Variants in AGAP1 observed in about 807,000 individuals in gnomAD.
AGAP1 encodes the protein arf-GAP with GTPase, ANK repeat and PH domain-containing protein 1.
A neutral mutation model predicts 105.3 loss-of-function variants in AGAP1; 29 were observed. The observed-to-expected ratio is 0.28, with a 90% confidence interval of 0.21 to 0.38. The LOEUF (loss-of-function observed/expected upper bound fraction) is 0.38, where lower values mean the gene tolerates loss of function less well. Ranked by LOEUF, AGAP1 falls within the 10% of genes least tolerant of loss-of-function variation. The pLI is 1.00. For missense variants in AGAP1, 998 were observed against 1,165.1 expected (o/e 0.86, Z 2.09); for synonymous variants, 509 against 485.9 (o/e 1.05, Z -0.63).
In AGAP1 at chr2:235,988,253, G is replaced by A. The variant is rs2055407645; in HGVS notation, c.1645+19630G>A. The stretch of plus-strand genomic sequence containing the variant: ...AGACAGGGCTTCACCCTGTTGGCCA[G>A]GCTGGTCTTGAACTCCTGACTTCAG... On this transcript the variant is annotated intron_variant, in intron 13 of 17. Coordinates refer to ENST00000304032, the MANE Select transcript of AGAP1 (RefSeq NM_001037131.3). This position sits in a 1 kb window ranked among gnomAD's most constrained non-coding sequence, Gnocchi z 4.7. Among the ~76,000 whole-genome samples, 1 of 152,164 alleles carries A rather than the reference G, an allele frequency of 6.6e-6. No individual in the cohort carries two copies. Among genetic ancestry groups the A allele is most frequent in the Non-Finnish European group, 1.5e-5 (1 of 68,042 alleles).
rs891135038 is a variant in AGAP1 at position 235,517,301 on chromosome 2, G to T, written c.163+22452G>T. The stretch of plus-strand genomic sequence containing the variant: ...TCTCCAGCGACAGTCACCTTGGGGT[G>T]TGAGCCTCTGCAGAGGAATTTGGGG... On this transcript the variant is annotated intron_variant, in intron 1 of 17. Coordinates refer to ENST00000304032, the MANE Select transcript of AGAP1 (RefSeq NM_001037131.3). This position sits in a 1 kb window ranked among gnomAD's most constrained non-coding sequence, Gnocchi z 4.1. Among the ~76,000 whole-genome samples the T allele has an allele frequency of 3.2e-4, 48 of 152,300 alleles. No homozygotes were observed. Among genetic ancestry groups the T allele is most frequent in the African/African-American group, 1.0e-3 (42 of 41,570 alleles).
chr2:235,894,753 C>T (rs2050723009), intron 10 of AGAP1, among the ~76,000 whole-genome samples: 1 of 152,184 alleles, frequency 6.6e-6, no homozygotes, highest in South Asian at 2.1e-4. Flanking sequence ...AAGATCTCTT[C>T]CCTCCTTTAT....
At chr2:235,649,441 G>A (rs1017324877) in intron 1 of AGAP1, among the ~76,000 whole-genome samples, 3 of 152,184 alleles carry the variant, frequency 2.0e-5, no homozygotes, top group Non-Finnish European at 2.9e-5. Flanking sequence ...TGGTATGACT[G>A]TAGCTCACTG....
rs1944439057 is a variant in AGAP1, at chr2:235,569,132, T to C, written c.163+74283T>C. 1.3e-5 allele frequency among the ~76,000 whole-genome samples: 2 copies of C among 152,214 alleles called. No individual in the cohort carries two copies. Among genetic ancestry groups the C allele is most frequent in the South Asian group, 4.1e-4 (2 of 4,834 alleles). On this transcript the variant is annotated intron_variant, in intron 1 of 17. Coordinates refer to ENST00000304032, the MANE Select transcript of AGAP1 (RefSeq NM_001037131.3). The surrounding 1 kb of genome is among the most constrained non-coding windows in gnomAD (Gnocchi z 5.9). ...TTGTCAGAGACCATCCTGGCCAACA[T>C]GGCGGAAACCCGTCTCTATTAAAAG...
intron 12 of AGAP1, among the ~76,000 whole-genome samples, chr2:235,954,275 A>C (rs1323139915): frequency 6.6e-6 from 1 of 151,696 alleles, no homozygotes; most frequent in South Asian, 2.1e-4. Flanking sequence ...ACACAGCCAC[A>C]TAAAGGAGAC....
At chr2:235,686,597 G>T (rs1406483979) in intron 1 of AGAP1, among the ~76,000 whole-genome samples, 10 of 111,688 alleles carry the variant, frequency 9.0e-5, no homozygotes, top group Non-Finnish European at 1.4e-4. Flanking sequence ...ACGTGTGTGT[G>T]TATATATATA....
intron 1 of AGAP1, among the ~76,000 whole-genome samples, chr2:235,500,070 T>G (rs1681818011): frequency 1.3e-5 from 2 of 151,948 alleles, no homozygotes; most frequent in South Asian, 4.1e-4. Context: ...TCATGTGGTG[T>G]TTGGGATGGA....
rs1010680941 is a variant in AGAP1 at position 235,631,508 on chromosome 2, A to G, written c.164-77671A>G. On this transcript the variant is annotated intron_variant, in intron 1 of 17. Coordinates refer to ENST00000304032, the MANE Select transcript of AGAP1 (RefSeq NM_001037131.3). The surrounding 1 kb of genome is among the most constrained non-coding windows in gnomAD (Gnocchi z 5.4). The stretch of plus-strand genomic sequence containing the variant: ...GTGGTCCTGGTTATACCTGCTGGTC[A>G]AAGGTCAGTCTGCCAAGGCCCCTCC... 1.5e-4 allele frequency among the ~76,000 whole-genome samples: 23 copies of G among 152,250 alleles called. No homozygotes were observed. Among genetic ancestry groups the G allele is most frequent in the African/African-American group, 5.3e-4 (22 of 41,552 alleles).
Position 235,864,268 on chromosome 2 carries a change from A to G in AGAP1, c.1051-19077A>G, listed in dbSNP as rs1315852682. Among the ~76,000 whole-genome samples the G allele has an allele frequency of 6.6e-6, 1 of 152,078 alleles. No individual in the cohort carries two copies. The highest frequency in any genetic ancestry group is 1.5e-5 in the Non-Finnish European group (1 of 68,014). ...CACTGTGTAGTCCCGTGAACTCTGCATTTTCGCAGAATGCCCCCATCATGT... is the reference window on the plus strand; with the variant it reads ...CACTGTGTAGTCCCGTGAACTCTGCGTTTTCGCAGAATGCCCCCATCATGT... On this transcript the variant is annotated intron_variant, in intron 9 of 17. Coordinates refer to ENST00000304032, the MANE Select transcript of AGAP1 (RefSeq NM_001037131.3). This position sits in a 1 kb window ranked among gnomAD's most constrained non-coding sequence, Gnocchi z 5.0.
intron 12 of AGAP1, among the ~76,000 whole-genome samples, chr2:235,948,886 C>T (rs1052665084): frequency 3.0e-4 from 46 of 152,332 alleles, no homozygotes; most frequent in Middle Eastern, 3.4e-3. Context: ...CAGTGCTGCT[C>T]TGCAGAGCCT....
At position 235,723,344 on chromosome 2, in the gene AGAP1, C is replaced by G; in HGVS notation, c.310+5700C>G. 6.6e-6 allele frequency among the ~76,000 whole-genome samples: 1 copy of G among 152,200 alleles called. No homozygotes were observed. Among genetic ancestry groups the G allele is most frequent in the Non-Finnish European group, 1.5e-5 (1 of 68,038 alleles). On this transcript the variant is annotated intron_variant, in intron 3 of 17. Transcript: ENST00000304032. The surrounding 1 kb of genome is among the most constrained non-coding windows in gnomAD (Gnocchi z 6.2). ...CCAACACAGACCCCACATGATGCCA[C>G]TCAGCTTTTAACTCTCCTTTCAAAA...
rs187979600 is a variant in AGAP1 at position 235,607,192 on chromosome 2, C to A, written c.164-101987C>A. The stretch of plus-strand genomic sequence containing the variant: ...GTTTGTTTCCAAATCCAGAGCCCCC[C>A]CTTCCCTGCCCAGACCCAGGGCTGC... On this transcript the variant is annotated intron_variant, in intron 1 of 17. Transcript: ENST00000304032. 1.6e-3 allele frequency among the ~76,000 whole-genome samples: 245 copies of A among 152,166 alleles called. 1 individual carries two copies. Among genetic ancestry groups the A allele is most frequent in the Admixed American group, 3.9e-3 (60 of 15,290 alleles).
In AGAP1 at chr2:235,622,228, G is replaced by A. The variant is rs146110835; in HGVS notation, c.164-86951G>A. On this transcript the variant is annotated intron_variant, in intron 1 of 17. Transcript: ENST00000304032. The surrounding 1 kb of genome is among the most constrained non-coding windows in gnomAD (Gnocchi z 5.0). Reference sequence around the variant, plus strand: ...TCCCAATTTTGGGAAAGGAGCCTTCGTCTTTGCTTCCTAGGAATGGTCATA... The same window carrying A: ...TCCCAATTTTGGGAAAGGAGCCTTCATCTTTGCTTCCTAGGAATGGTCATA... Among the ~76,000 whole-genome samples, 9 of 152,222 alleles carry A rather than the reference G, an allele frequency of 5.9e-5. No homozygotes were observed. Among genetic ancestry groups the A allele is most frequent in the Non-Finnish European group, 8.8e-5 (6 of 68,014 alleles).
chr2:235,684,362 A>G (rs111400514), intron 1 of AGAP1, among the ~76,000 whole-genome samples: 3 of 152,164 alleles, frequency 2.0e-5, no homozygotes, highest in Admixed American at 1.3e-4. Context: ...TCTTAAGGCA[A>G]TCACGAGACC....
intron 16 of AGAP1, among the ~76,000 whole-genome samples, chr2:236,103,803 G>A (rs1376434779): frequency 3.9e-5 from 6 of 151,934 alleles, no homozygotes; most frequent in Admixed American, 6.6e-5. Context: ...TCCTGACCTC[G>A]TGGTCTGCCA....
chr2:236,004,820 T>A (rs2056262297), intron 13 of AGAP1, among the ~76,000 whole-genome samples: 1 of 152,226 alleles, frequency 6.6e-6, no homozygotes, highest in Non-Finnish European at 1.5e-5. Flanking sequence ...TTGTCATTAA[T>A]TTGTAAAATT....
chr2:235,933,748 G>T (rs1252978735), intron 12 of AGAP1, among the ~76,000 whole-genome samples: 1 of 151,686 alleles, frequency 6.6e-6, no homozygotes, highest in African/African-American at 2.4e-5. Flanking sequence ...GGCCGGGATG[G>T]TCTCAATCTC....
At chr2:235,726,877 TTTAGAAAGACCCTA>T in intron 3 of AGAP1, among the ~76,000 whole-genome samples, 1 of 152,132 alleles carries the variant, frequency 6.6e-6, no homozygotes, top group Non-Finnish European at 1.5e-5. Context: ...TGGATTTAGT[TTTAGAAAGACCCTA>T]ATCTCCTGAT....
Position 235,625,010 on chromosome 2 carries a change from T to C in AGAP1, c.164-84169T>C, listed in dbSNP as rs1190402034. Among the ~76,000 whole-genome samples the C allele has an allele frequency of 2.0e-5, 3 of 152,218 alleles. No homozygotes were observed. Among genetic ancestry groups the C allele is most frequent in the Non-Finnish European group, 4.4e-5 (3 of 68,040 alleles). ...ACCAAAACAGATGCTGATGCCATGCTTTCTATACACTCTGCAGAACCGTGT... is the reference window on the plus strand; with the variant it reads ...ACCAAAACAGATGCTGATGCCATGCCTTCTATACACTCTGCAGAACCGTGT... On this transcript the variant is annotated intron_variant, in intron 1 of 17. Transcript: ENST00000304032. The surrounding 1 kb of genome is among the most constrained non-coding windows in gnomAD (Gnocchi z 4.0).
Sources: gnomAD v4.1 joint callset for allele counts (sites outside exome capture counted in the v4.1 genomes callset) on GRCh38, gnomAD v4.1.1 for gene constraint, Gnocchi (gnomAD v3.1) non-coding constraint, MANE v1.5 for transcripts, NCBI Gene and HGNC (gene_info 2026-07-23, HGNC 2026-07-21) for gene names.